The following CYP2C19 variants were observed in gnomAD, a reference collection of about 807,000 sequenced individuals.
CYP2C19 encodes cytochrome P450 family 2 subfamily C member 19.
In CYP2C19, 59 loss-of-function variants were observed where a neutral mutation model predicts 40.9. That is an observed-to-expected ratio of 1.44 (90% CI 1.17 to 1.79). The LOEUF (loss-of-function observed/expected upper bound fraction) is 1.79, where lower values mean the gene tolerates loss of function less well. Ranked by LOEUF, CYP2C19 falls within the 40% of genes most tolerant of loss-of-function variation. The pLI, the probability that CYP2C19 is intolerant of heterozygous loss-of-function variation, is 0.00. For missense variants in CYP2C19, 754 were observed against 596.9 expected, an observed-to-expected ratio of 1.26 and a Z score of -2.74; for synonymous variants, 253 against 208.7, an observed-to-expected ratio of 1.21 and a Z score of -1.83.
At chr10:94,763,993 C>A (rs1298010123) in intron 1 of CYP2C19, among the ~76,000 whole-genome samples, 1 of 152,048 alleles carries the variant, frequency 6.6e-6, no homozygotes, top group Non-Finnish European at 1.5e-5. Context: ...AGTGTTACAG[C>A]TCTTAAAGGT....
Position 94,852,714 on chromosome 10 carries a change from C to A in CYP2C19, c.1292-19C>A, listed in dbSNP as rs753818995. ...GTTACACATGAGGAGTAACTTCTCCCTATGTTTGTTATTTTCAGGAAAACG... is the reference window on the plus strand; with the variant it reads ...GTTACACATGAGGAGTAACTTCTCCATATGTTTGTTATTTTCAGGAAAACG... On this transcript the variant is annotated intron_variant, in intron 8 of 8. Coordinates refer to ENST00000371321, the MANE Select transcript of CYP2C19 (RefSeq NM_000769.4). 2 of 1,612,664 alleles carry A rather than the reference C, an allele frequency of 1.2e-6. No individual in the cohort carries two copies. The highest frequency in any genetic ancestry group is 2.7e-5 in the African/African-American group (2 of 74,848).
rs1564667886 is a variant in CYP2C19 at position 94,796,718 on chromosome 10, C to G, written c.819+14721C>G. Among the ~76,000 whole-genome samples the G allele has an allele frequency of 3.3e-5, 5 of 152,180 alleles. No homozygotes were observed. In the South Asian group the frequency reaches 1.0e-3, roughly 32 times the overall value. ...CTTGAAGAGGTCCTTAACATCACTC[C>G]TAAGTTGGATTCTTAGGTATTTTAC... On this transcript the variant is annotated intron_variant, in intron 5 of 8. Transcript: ENST00000371321.
chr10:94,815,709 C>A (rs535232300), intron 5 of CYP2C19, among the ~76,000 whole-genome samples: 1 of 152,298 alleles, frequency 6.6e-6, no homozygotes, highest in Non-Finnish European at 1.5e-5. Context: ...AAAAAGTTGT[C>A]TGTTGCCTCC....
intron 5 of CYP2C19, among the ~76,000 whole-genome samples, chr10:94,794,055 A>G (rs2134247892): frequency 6.6e-6 from 1 of 152,236 alleles, no homozygotes; most frequent in South Asian, 2.1e-4. Context: ...AAGCCTCAGA[A>G]GTGGTGGACG....
rs189816519 is a variant in CYP2C19 at position 94,829,511 on chromosome 10, C to A, written c.961+8874C>A. ...GCCTTGGTTTTCAGCTCCATAAGCTCCTTTAAGCACTTCTCTGTATTGGTT... is the reference window on the plus strand; with the variant it reads ...GCCTTGGTTTTCAGCTCCATAAGCTACTTTAAGCACTTCTCTGTATTGGTT... On this transcript the variant is annotated intron_variant, in intron 6 of 8. Coordinates refer to ENST00000371321, the MANE Select transcript of CYP2C19 (RefSeq NM_000769.4). Among the ~76,000 whole-genome samples the A allele has an allele frequency of 5.1e-3, 773 of 152,286 alleles. 26 individuals are homozygous for A. The highest frequency in any genetic ancestry group is 4.1e-3 in the East Asian group (21 of 5,178).
At chr10:94,795,167 C>A (rs918781392) in intron 5 of CYP2C19, among the ~76,000 whole-genome samples, 83 of 119,660 alleles carry the variant, frequency 6.9e-4, no homozygotes, top group African/African-American at 2.5e-3. Flanking sequence ...CCCCACCCCA[C>A]GACAGGCCCC....
chr10:94,828,274 C>T (rs1239447579), intron 6 of CYP2C19, among the ~76,000 whole-genome samples: 1 of 151,180 alleles, frequency 6.6e-6, no homozygotes, highest in Non-Finnish European at 1.5e-5. Context: ...GTTAAAGTCT[C>T]CCATTATTAA....
rs563136391 is a variant in CYP2C19, at chr10:94,779,757, A to G, written c.482-742A>G. Among the ~76,000 whole-genome samples, 5 of 151,948 alleles carry G rather than the reference A, an allele frequency of 3.3e-5. No homozygotes were observed. The East Asian group carries it at 9.7e-4, about 29-fold the overall frequency. ...TGCATCCTTAGCAGAGATGGGGTTC[A>G]CCATGTTGGCCAGGCTGGTCTTGAA... On this transcript the variant is annotated intron_variant, in intron 3 of 8. Coordinates refer to ENST00000371321, the MANE Select transcript of CYP2C19 (RefSeq NM_000769.4).
chr10:94,774,388 G>A (rs1455080711), intron 1 of CYP2C19: 2 of 152,362 alleles, frequency 1.3e-5, no homozygotes, highest in African/African-American at 2.4e-5. Context: ...CATAGGGATA[G>A]TATGAGGGAG....
chr10:94,821,246 G>T (rs1199298097), intron 6 of CYP2C19, among the ~76,000 whole-genome samples: 1 of 152,158 alleles, frequency 6.6e-6, no homozygotes, highest in Non-Finnish European at 1.5e-5. Context: ...GGCAGGAAGA[G>T]ACAACATAAG....
intron 5 of CYP2C19, among the ~76,000 whole-genome samples, chr10:94,782,289 C>G (rs1848489592): frequency 1.3e-5 from 2 of 152,066 alleles, no homozygotes; most frequent in South Asian, 4.1e-4. Context: ...GAGATCAGCA[C>G]AGGAGGAACT....
At chr10:94,787,407 AT>A (rs1223877190) in intron 5 of CYP2C19, among the ~76,000 whole-genome samples, 1 of 152,024 alleles carries the variant, frequency 6.6e-6, no homozygotes, top group Non-Finnish European at 1.5e-5. Context: ...CATTGTTAGA[AT>A]CACAGTTTGC....
At chr10:94,780,970 G>T (rs1242883972) in intron 4 of CYP2C19, among the ~76,000 whole-genome samples, 1 of 152,062 alleles carries the variant, frequency 6.6e-6, no homozygotes, top group Non-Finnish European at 1.5e-5. Context: ...ATCACTCCAT[G>T]GACATCCAGG....
chr10:94,793,998 T>A (rs1235861140), intron 5 of CYP2C19, among the ~76,000 whole-genome samples: 1 of 152,104 alleles, frequency 6.6e-6, no homozygotes, highest in Non-Finnish European at 1.5e-5. Context: ...TGAGGTGCGG[T>A]GGTCTCCACC....
intron 5 of CYP2C19, among the ~76,000 whole-genome samples, chr10:94,792,149 G>T (rs1484647090): frequency 1.3e-5 from 2 of 151,964 alleles, no homozygotes; most frequent in East Asian, 1.9e-4. Context: ...ATCTTTGTTG[G>T]TTAAAGTCTG....
chr10:94,802,145 G>C (rs930837122), intron 5 of CYP2C19, among the ~76,000 whole-genome samples: 1 of 151,154 alleles, frequency 6.6e-6, no homozygotes, highest in Non-Finnish European at 1.5e-5. Flanking sequence ...TCAGAGCACT[G>C]ATTGGTCCAT....
At position 94,853,665 on chromosome 10, in the gene CYP2C19, C is replaced by G. The variant is rs755050246; in HGVS notation, c.*751C>G. On this transcript the variant is annotated 3_prime_UTR_variant, in exon 9 of 9. Coordinates refer to ENST00000371321, the MANE Select transcript of CYP2C19 (RefSeq NM_000769.4). Reference sequence around the variant, plus strand: ...GGCTCAAGAGATTCTCCTGCCTCAGCCTCCTGAGTAGCTGGGATTACAGAC... The same window carrying G: ...GGCTCAAGAGATTCTCCTGCCTCAGGCTCCTGAGTAGCTGGGATTACAGAC... Among the ~76,000 whole-genome samples, 1 of 151,586 alleles carries G rather than the reference C, an allele frequency of 6.6e-6. No individual in the cohort carries two copies. The highest frequency in any genetic ancestry group is 2.4e-5 in the African/African-American group (1 of 41,272).
At chr10:94,817,534 G>A (rs1474908161) in intron 5 of CYP2C19, among the ~76,000 whole-genome samples, 3 of 145,524 alleles carry the variant, frequency 2.1e-5, no homozygotes, top group Non-Finnish European at 3.0e-5. Context: ...TAGGTTGCCT[G>A]TTCACTCTGA....
intron 6 of CYP2C19, 115 bp from the exon 7 acceptor site, chr10:94,842,722 T>C (rs1849514055): frequency 1.7e-6 from 2 of 1,176,328 alleles, no homozygotes; most frequent in Admixed American, 3.7e-5. Flanking sequence ...AGCACTATAA[T>C]TTAAATTTAT....
Sources: gnomAD v4.1 joint callset for allele counts (sites outside exome capture counted in the v4.1 genomes callset) on GRCh38, gnomAD v4.1.1 for gene constraint, MANE v1.5 for transcripts, NCBI Gene and HGNC (gene_info 2026-07-23, HGNC 2026-07-21) for gene names.